Variants in NUP107 observed in about 807,000 individuals in gnomAD.
NUP107 encodes the protein nucleoporin 107.
Under a neutral mutation model 141.0 loss-of-function variants are expected in NUP107, and 101 were observed. The observed-to-expected ratio is 0.72, with a 90% CI of 0.61 to 0.84. NUP107 has a LOEUF of 0.84. NUP107 is among the 40% of genes least tolerant of loss of function. NUP107 has a pLI of 0.00. For synonymous variants in NUP107, 319 were observed against 363.9 expected, an observed-to-expected ratio of 0.88 and a Z score of 1.41; for missense variants, 941 against 1,102.7, an observed-to-expected ratio of 0.85 and a Z score of 2.08.
At chr12:68,729,949 A>G (rs1877744555) in intron 20 of NUP107, among the ~76,000 whole-genome samples, 1 of 150,790 alleles carries the variant, frequency 6.6e-6, no homozygotes, top group South Asian at 2.1e-4. Flanking sequence ...TCTAATATAT[A>G]TATATTTAAA....
At chr12:68,698,960 G>A (rs1177781129) in intron 6 of NUP107, among the ~76,000 whole-genome samples, 1 of 152,090 alleles carries the variant, frequency 6.6e-6, no homozygotes, top group Non-Finnish European at 1.5e-5. Context: ...GTCAATATAA[G>A]TTCCTCAGTT....
At chr12:68,706,088 T>A (rs1876566382) in intron 8 of NUP107, 2 of 775,498 alleles carry the variant, frequency 2.6e-6, no homozygotes, top group South Asian at 2.7e-5. Flanking sequence ...CTGGCAGCTG[T>A]ACACTCTGGG....
In NUP107 at chr12:68,700,820, T is replaced by A; in HGVS notation, c.647T>A (p.Met216Lys). Residue 216 changes from methionine (M) to lysine (K), a missense_variant, in exon 7 of 28, where the codon ATG (methionine) becomes AAG (lysine). Coordinates refer to ENST00000229179, the MANE Select transcript of NUP107 (RefSeq NM_020401.4). The part of the protein sequence containing the change: ...ASMLWLLQQE[M>K]VTWRLLASLY... ...ATGCTCTGGCTTCTTCAACAGGAGA[T>A]GGTCACATGGAGGCTGCTGGCTTCT... The A allele has an allele frequency of 6.2e-7, 1 of 1,606,986 alleles. No homozygotes were observed. The highest frequency in any genetic ancestry group is 8.5e-7 in the Non-Finnish European group (1 of 1,178,194).
intron 10 of NUP107, among the ~76,000 whole-genome samples, chr12:68,713,089 T>C (rs1876939165): frequency 6.6e-6 from 1 of 151,618 alleles, no homozygotes; most frequent in East Asian, 1.9e-4. Context: ...AAAAACACCA[T>C]TGGCCAGACA....
At chr12:68,727,885 T>G (rs547633349) in intron 20 of NUP107, among the ~76,000 whole-genome samples, 147 of 152,264 alleles carry the variant, frequency 9.7e-4, no homozygotes, top group African/African-American at 2.8e-3. Flanking sequence ...TGAAAAAAAT[T>G]TATGCAGAAG....
intron 10 of NUP107, among the ~76,000 whole-genome samples, chr12:68,712,443 A>T (rs946839400): frequency 4.6e-5 from 6 of 129,486 alleles, no homozygotes; most frequent in African/African-American, 5.6e-5. Flanking sequence ...AAAAAAAAAA[A>T]GTCAGATTGC....
chr12:68,696,779 A>G (rs1876078831), intron 5 of NUP107, 40 bp from the exon 6 acceptor site: 1 of 1,134,010 alleles, frequency 8.8e-7, no homozygotes, highest in African/African-American at 1.6e-5. Flanking sequence ...ACGTCACTTA[A>G]CTTTTCTTTA....
rs768676886 is a variant in NUP107 at position 68,741,963 on chromosome 12, C to T, written c.2653C>T (p.Arg885Cys). The T allele has an allele frequency of 1.6e-5, 25 of 1,605,938 alleles. No individual in the cohort carries two copies. The highest frequency in any genetic ancestry group is 1.3e-4 in the East Asian group (6 of 44,744). Residue 885 changes from arginine (R) to cysteine (C), a missense_variant, in exon 27 of 28, where the codon CGC (arginine) becomes TGC (cysteine). Physicochemically the swap from Arg to Cys is radical, Grantham distance 180. Coordinates refer to ENST00000229179, the MANE Select transcript of NUP107 (RefSeq NM_020401.4). Reference sequence around the variant, plus strand: ...GTTAGCAGATATGGTATCCTCTGAGCGCCACAAACTGTACCTGGTAAGTTC... The same window carrying T: ...GTTAGCAGATATGGTATCCTCTGAGTGCCACAAACTGTACCTGGTAAGTTC... ...LQLADMVSSE[R>C]HKLYLVFSKE...
chr12:68,734,848 G>A lies in NUP107; in HGVS notation c.2388+15G>A. The A allele has an allele frequency of 6.2e-7, 1 of 1,607,320 alleles. No individual in the cohort carries two copies. The highest frequency in any genetic ancestry group is 8.5e-7 in the Non-Finnish European group (1 of 1,177,882). ...AGAAATATGAAGTAAGTTAAATATG[G>A]ATCTAGGATGTGCCTACTGCATCTT... On this transcript the variant is annotated intron_variant, in intron 25 of 27. Transcript: ENST00000229179.
chr12:68,726,026 G>A (rs943037832), intron 18 of NUP107, among the ~76,000 whole-genome samples: 1 of 151,812 alleles, frequency 6.6e-6, no homozygotes, highest in South Asian at 2.1e-4. Context: ...TAGTAGAGAC[G>A]GGGTTTCGCT....
intron 8 of NUP107, among the ~76,000 whole-genome samples, chr12:68,703,101 C>T (rs931199485): frequency 4.6e-5 from 7 of 152,062 alleles, no homozygotes; most frequent in East Asian, 1.9e-4. Context: ...CCACCTTGGC[C>T]GCCCAAAGTG....
At chr12:68,724,637 G>A (rs1257058063) in intron 17 of NUP107, among the ~76,000 whole-genome samples, 7 of 151,950 alleles carry the variant, frequency 4.6e-5, no homozygotes, top group East Asian at 1.9e-4. Flanking sequence ...AAAATTAGCC[G>A]GGTGTGGTGG....
At chr12:68,742,290 G>C in intron 27 of NUP107, 65 bp from the exon 28 acceptor site, 1 of 1,017,938 alleles carries the variant, frequency 9.8e-7, no homozygotes, top group Non-Finnish European at 1.5e-6. Context: ...GATCGATTAG[G>C]TAACTAAGTT....
At position 68,732,722 on chromosome 12, in the gene NUP107, T is replaced by G. The variant is rs1421993213; in HGVS notation, c.2084T>G (p.Ile695Ser). ...GAAGCACTGAAACAAGGCAATGCAA[T>G]TATGAGAAAATTCTTGGGTATAGTA... Reference protein sequence around the residue: ...RAEALKQGNAIMRKFLASKKH... With the variant: ...RAEALKQGNASMRKFLASKKH... The change falls in exon 23 of 28, where the codon ATT becomes AGT. Residue 695 changes from isoleucine to serine, a missense_variant. Ile to Ser is a moderately radical substitution (Grantham distance 142, BLOSUM62 -2). Coordinates refer to ENST00000229179, the MANE Select transcript of NUP107 (RefSeq NM_020401.4). 1 of 1,601,760 alleles carries G rather than the reference T, an allele frequency of 6.2e-7. No homozygotes were observed. Among genetic ancestry groups the G allele is most frequent in the Non-Finnish European group, 8.5e-7 (1 of 1,170,876 alleles).
intron 17 of NUP107, 47 bp downstream of exon 17, chr12:68,722,199 G>A (rs752543517): frequency 6.6e-7 from 1 of 1,526,524 alleles, no homozygotes; most frequent in African/African-American, 1.4e-5. Flanking sequence ...AGGAAACAGT[G>A]TTATTCTATT....
intron 7 of NUP107, 98 bp from the exon 8 acceptor site, chr12:68,702,638 A>G: frequency 1.3e-6 from 1 of 791,740 alleles, no homozygotes; most frequent in Non-Finnish European, 2.0e-6. Context: ...ATTTTTAAAA[A>G]GAAGTTAGCC....
At chr12:68,740,230 C>T (rs947395164) in intron 26 of NUP107, 1 of 152,184 alleles carries the variant, frequency 6.6e-6, no homozygotes, top group African/African-American at 2.4e-5. Flanking sequence ...AGAAAGACTA[C>T]ATTGGAGCAC....
chr12:68,700,808 T>C lies in NUP107; in HGVS notation c.635T>C (p.Leu212Pro). The C allele has an allele frequency of 6.2e-7, 1 of 1,609,790 alleles. No individual in the cohort carries two copies. The highest frequency in any genetic ancestry group is 8.5e-7 in the Non-Finnish European group (1 of 1,178,894). The change falls in exon 7 of 28, where the codon CTT becomes CCT. Residue 212 changes from leucine to proline, a missense_variant. Leu to Pro is a moderately conservative substitution (Grantham distance 98). Transcript: ENST00000229179. ...FSKTASMLWL[L>P]QQEMVTWRLL... ...AAAACAGCCAGTATGCTCTGGCTTCTTCAACAGGAGATGGTCACATGGAGG... is the reference window on the plus strand; with the variant it reads ...AAAACAGCCAGTATGCTCTGGCTTCCTCAACAGGAGATGGTCACATGGAGG...
chr12:68,691,925 T>G (rs1875808659), intron 4 of NUP107, 43 bp from the exon 5 acceptor site: 1 of 1,513,810 alleles, frequency 6.6e-7, no homozygotes, highest in African/African-American at 1.4e-5. Context: ...TGACAATAAC[T>G]CCATCACTTT....
Sources: gnomAD v4.1 joint callset for allele counts (sites outside exome capture counted in the v4.1 genomes callset) on GRCh38, gnomAD v4.1.1 for gene constraint, MANE v1.5 for transcripts, NCBI Gene and HGNC (gene_info 2026-07-23, HGNC 2026-07-21) for gene names.